Variants in PCDHGB3 observed in about 807,000 individuals in gnomAD.
The protein encoded by PCDHGB3 is protocadherin gamma-B3.
PCDHGB3 carries 40 observed loss-of-function variants against 59.2 expected under a neutral mutation model. That is an observed-to-expected ratio of 0.68 (90% CI 0.52 to 0.88). The LOEUF is 0.88. PCDHGB3 is among the 40% of genes least tolerant of loss of function. The pLI is 0.00. For synonymous variants in PCDHGB3, 581 were observed against 503.6 expected (o/e 1.15, Z -2.06); for missense variants, 1,309 against 1,187.9 (o/e 1.10, Z -1.50).
rs368231432 is a variant in PCDHGB3 at position 141,374,734 on chromosome 5, C to T, written c.2415+1925C>T. On this transcript the variant is annotated intron_variant, in intron 1 of 3. Coordinates refer to ENST00000576222, the MANE Select transcript of PCDHGB3 (RefSeq NM_018924.5). ...GCCTGGTCCTTACTGCCATGGATGGCGGCGACCCTGTCCGCTCAAGCGTCG... is the reference window on the plus strand; with the variant it reads ...GCCTGGTCCTTACTGCCATGGATGGTGGCGACCCTGTCCGCTCAAGCGTCG... 43 of 1,610,046 alleles carry T rather than the reference C, an allele frequency of 2.7e-5. 2 individuals are homozygous for T. In the South Asian group the frequency reaches 4.2e-4, roughly 16 times the overall value.
chr5:141,463,438 C>CTTTTTTTT (rs71576115), intron 1 of PCDHGB3, among the ~76,000 whole-genome samples: 3 of 103,252 alleles, frequency 2.9e-5, no homozygotes, highest in African/African-American at 8.9e-5. Context: ...TTTCCTTCTC[C>CTTTTTTTT]TTTTTTTTTT....
chr5:141,492,833 C>T (rs951935267), intron 1 of PCDHGB3, among the ~76,000 whole-genome samples: 2 of 152,222 alleles, frequency 1.3e-5, no homozygotes, highest in African/African-American at 4.8e-5. Flanking sequence ...CCCTTCCTCC[C>T]GCAGGAAGTG....
intron 1 of PCDHGB3, chr5:141,394,201 A>G (rs764975219): frequency 2.5e-6 from 4 of 1,613,874 alleles, no homozygotes; most frequent in Admixed American, 1.7e-5. Context: ...TATATCCTAG[A>G]GAACAACCTG....
rs747283905 is a variant in PCDHGB3, at chr5:141,491,693, G to A, written c.2416-3114G>A. On this transcript the variant is annotated intron_variant, in intron 1 of 3. Transcript: ENST00000576222. The surrounding 1 kb of genome is among the most constrained non-coding windows in gnomAD (Gnocchi z 6.9). ...TCCCGCTCTAATACGCTGCGGGAGC[G>A]GAGCCAGGTGAGGGGCTCGGCGCCG... 3.7e-5 allele frequency: 59 copies of A among 1,612,434 alleles called. No homozygotes were observed. Among genetic ancestry groups the A allele is most frequent in the Non-Finnish European group, 4.7e-5 (55 of 1,179,352 alleles).
intron 1 of PCDHGB3, chr5:141,419,779 GCGCCTGCTAGT>G: frequency 6.2e-7 from 1 of 1,614,064 alleles, no homozygotes; most frequent in Non-Finnish European, 8.5e-7. Flanking sequence ...CGGTCCGCCA[GCGCCTGCTAGT>G]CGCTGTAAGA....
At chr5:141,420,311 T>C (rs762191274) in intron 1 of PCDHGB3, 102 of 1,454,698 alleles carry the variant, frequency 7.0e-5, no homozygotes, top group Non-Finnish European at 9.3e-5. Flanking sequence ...CTTTTTATAT[T>C]ACAATATGCC....
chr5:141,385,508 G>T (rs1430201636), intron 1 of PCDHGB3: 6 of 1,372,088 alleles, frequency 4.4e-6, no homozygotes, highest in Non-Finnish European at 5.6e-6. Flanking sequence ...TATTTCTTTA[G>T]TGAAAGCCTA....
rs752837336 is a variant in PCDHGB3 at position 141,371,945 on chromosome 5, G to A, written c.1551G>A (p.Gln517=). The change falls in exon 1 of 4, where the codon CAG becomes CAA. Residue 517 remains glutamine (Q), a synonymous_variant. Transcript: ENST00000576222. ...CGCGGAGCGGGGTGGTGTTCGCGCAGCGAGCCTTCGACCACGAGCAGCTGC... is the reference window on the plus strand; with the variant it reads ...CGCGGAGCGGGGTGGTGTTCGCGCAACGAGCCTTCGACCACGAGCAGCTGC... ...VSARSGVVFA[Q]RAFDHEQLRA... 6 of 1,613,298 alleles carry A rather than the reference G, an allele frequency of 3.7e-6. No homozygotes were observed. In the Admixed American group the frequency reaches 5.0e-5, roughly 13 times the overall value.
Position 141,485,519 on chromosome 5 carries a change from A to T in PCDHGB3, c.2416-9288A>T. ...GTTTGTCACCGAAGGTCCTTTGGAA[A>T]TGTACCGAGCAGAGGTAGAGATCGT... On this transcript the variant is annotated intron_variant, in intron 1 of 3. Transcript: ENST00000576222. The surrounding 1 kb of genome is among the most constrained non-coding windows in gnomAD (Gnocchi z 5.7). The T allele has an allele frequency of 6.2e-7, 1 of 1,614,150 alleles. No individual in the cohort carries two copies. The highest frequency in any genetic ancestry group is 8.5e-7 in the Non-Finnish European group (1 of 1,180,018).
chr5:141,379,889 CTTTTTTTTTTT>C (rs70988800), intron 1 of PCDHGB3, among the ~76,000 whole-genome samples: 218 of 50,846 alleles, frequency 4.3e-3, no homozygotes, highest in African/African-American at 5.5e-3. Flanking sequence ...GTGAAAGCCT[CTTTTTTTTTTT>C]TTTTTTTTTT....
intron 2 of PCDHGB3, among the ~76,000 whole-genome samples, chr5:141,497,540 CT>C (rs754207034): frequency 0.18 from 24,498 of 134,808 alleles, 2,020 homozygotes; most frequent in African/African-American, 0.21. Flanking sequence ...TGCAACAAAC[CT>C]TTTTTTTTTT....
At chr5:141,498,419 G>A (rs78940285) in intron 2 of PCDHGB3, among the ~76,000 whole-genome samples, 4,023 of 152,260 alleles carry the variant, frequency 0.026, 75 homozygotes, top group Non-Finnish European at 0.043. Flanking sequence ...TGCTGGCACT[G>A]GAGTGAGGGG....
intron 1 of PCDHGB3, chr5:141,383,450 G>A: frequency 6.2e-7 from 1 of 1,613,960 alleles, no homozygotes; most frequent in Non-Finnish European, 8.5e-7. Context: ...GCTGTGCAAA[G>A]TGGAGACGAT....
chr5:141,423,497 AG>A (rs1269176785), intron 1 of PCDHGB3: 1 of 1,613,940 alleles, frequency 6.2e-7, no homozygotes, highest in Non-Finnish European at 8.5e-7. Flanking sequence ...TATTCCCACG[AG>A]GTCTCTCTCA....
intron 1 of PCDHGB3, chr5:141,414,886 C>T (rs374779316): frequency 1.4e-5 from 22 of 1,614,120 alleles, no homozygotes; most frequent in African/African-American, 2.7e-5. Context: ...GTACCCCGCC[C>T]TCCCCACAGA....
chr5:141,404,001 C>T, intron 1 of PCDHGB3: 8 of 1,613,870 alleles, frequency 5.0e-6, no homozygotes, highest in South Asian at 1.1e-5. Context: ...GTGACCATTA[C>T]ATCTCTGTTT....
Position 141,431,303 on chromosome 5 carries a change from G to A in PCDHGB3, c.2415+58494G>A, listed in dbSNP as rs777784010. 2 of 1,613,942 alleles carry A rather than the reference G, an allele frequency of 1.2e-6. No homozygotes were observed. The highest frequency in any genetic ancestry group is 2.7e-5 in the African/African-American group (2 of 74,916). ...CCCGAACACTCACTTCTCCCTCATC[G>A]TGCAAAATGGAGCCGACGGTAGTAA... On this transcript the variant is annotated intron_variant, in intron 1 of 3. Transcript: ENST00000576222. The surrounding 1 kb of genome is among the most constrained non-coding windows in gnomAD (Gnocchi z 4.8).
chr5:141,432,945 G>A lies in PCDHGB3; in HGVS notation c.2415+60136G>A, dbSNP rs761055026. On this transcript the variant is annotated intron_variant, in intron 1 of 3. Transcript: ENST00000576222. This position sits in a 1 kb window ranked among gnomAD's most constrained non-coding sequence, Gnocchi z 6.0. ...AAGTCACGCCTGCTGCAGGCTTCAGGAGGCGGCTTGACAGGAGCGCCGGCG... is the reference window on the plus strand; with the variant it reads ...AAGTCACGCCTGCTGCAGGCTTCAGAAGGCGGCTTGACAGGAGCGCCGGCG... 3 of 1,614,218 alleles carry A rather than the reference G, an allele frequency of 1.9e-6. No individual in the cohort carries two copies. The highest frequency in any genetic ancestry group is 2.5e-6 in the Non-Finnish European group (3 of 1,180,058).
rs1248894639 is a variant in PCDHGB3 at position 141,370,473 on chromosome 5, C to T, written c.79C>T (p.Gln27Ter). 2 of 1,613,496 alleles carry T rather than the reference C, an allele frequency of 1.2e-6. No individual in the cohort carries two copies. Among genetic ancestry groups the T allele is most frequent in the Non-Finnish European group, 1.7e-6 (2 of 1,179,682 alleles). The change falls in exon 1 of 4, where the codon CAG (glutamine) becomes TAG (stop). Residue 27 changes from glutamine (Q) to a stop codon, truncating the protein, a stop_gained. Transcript: ENST00000576222. LOFTEE classifies it high-confidence loss of function. ...TCTCTTCCTGCTCTCTTTGTTAGACCAGGCTCTCTCCGAACCGATCCGCTA... is the reference window on the plus strand; with the variant it reads ...TCTCTTCCTGCTCTCTTTGTTAGACTAGGCTCTCTCCGAACCGATCCGCTA... ...LFLFLLSLLD[Q>*]ALSEPIRYAI...
Sources: gnomAD v4.1 joint callset for allele counts (sites outside exome capture counted in the v4.1 genomes callset) on GRCh38, gnomAD v4.1.1 for gene constraint, Gnocchi (gnomAD v3.1) non-coding constraint, MANE v1.5 for transcripts, NCBI Gene and HGNC (gene_info 2026-07-23, HGNC 2026-07-21) for gene names.